WNT7A: variants seen among roughly 807,000 people sequenced by gnomAD.
WNT7A encodes protein Wnt-7a.
WNT7A carries 16 observed loss-of-function variants against 28.2 expected under a neutral mutation model. The ratio of observed to expected loss-of-function variants is 0.57; its 90% confidence interval spans 0.38 to 0.86. The LOEUF is 0.86. WNT7A is among the 40% of genes least tolerant of loss of function. The pLI, the probability that WNT7A is intolerant of heterozygous loss-of-function variation, is 0.00. For synonymous variants in WNT7A, 190 were observed against 195.9 expected (o/e 0.97, Z 0.25); for missense variants, 411 against 489.7 (o/e 0.84, Z 1.52).
intron 3 of WNT7A, among the ~76,000 whole-genome samples, chr3:13,853,074 C>G (rs1274736507): frequency 7.5e-6 from 1 of 132,840 alleles, no homozygotes; most frequent in Non-Finnish European, 1.6e-5. Flanking sequence ...TAGCCCTCTG[C>G]CTCCCAAGGG....
chr3:13,842,010 C>G (rs1335240695), intron 3 of WNT7A, among the ~76,000 whole-genome samples: 1 of 151,346 alleles, frequency 6.6e-6, no homozygotes, highest in South Asian at 2.1e-4. Flanking sequence ...AGGGACATAC[C>G]CAGTGTGTGT....
At chr3:13,826,970 G>A (rs1694206185) in intron 3 of WNT7A, among the ~76,000 whole-genome samples, 1 of 152,228 alleles carries the variant, frequency 6.6e-6, no homozygotes, top group African/African-American at 2.4e-5. Context: ...AACAGAGCAT[G>A]TCTAGAGGAG....
intron 2 of WNT7A, among the ~76,000 whole-genome samples, chr3:13,873,797 G>A (rs894398150): frequency 2.0e-5 from 3 of 152,176 alleles, no homozygotes; most frequent in African/African-American, 4.8e-5. Context: ...GCTGAGGAAA[G>A]GAGCTAAGGC....
rs573903375 is a variant in WNT7A at position 13,824,741 on chromosome 3, A to G, written c.571-5318T>C. On this transcript the variant is annotated intron_variant, in intron 3 of 3. Coordinates refer to ENST00000285018, the MANE Select transcript of WNT7A (RefSeq NM_004625.4). Reference sequence around the variant, plus strand: ...ATGCTGTTCCTTATCTGGAAGGCCAATCTTTATCACCATGACAGACGATGG... The same window carrying G: ...ATGCTGTTCCTTATCTGGAAGGCCAGTCTTTATCACCATGACAGACGATGG... 1.2e-4 allele frequency among the ~76,000 whole-genome samples: 18 copies of G among 152,260 alleles called. No homozygotes were observed. In the East Asian group the frequency reaches 3.1e-3, roughly 26 times the overall value.
chr3:13,855,324 G>A (rs1694711888), intron 2 of WNT7A, among the ~76,000 whole-genome samples: 1 of 151,922 alleles, frequency 6.6e-6, no homozygotes, highest in Admixed American at 6.6e-5. Context: ...CTCTCTGGCT[G>A]TAAAATGGGG....
rs183996498 is a variant in WNT7A at position 13,878,518 on chromosome 3, G to A, written c.71+1228C>T. ...GCGCGAGCCCCGCAGCCGCCTCTCC[G>A]CCGCTGGTCGGGCTGGCGGCCCCTG... On this transcript the variant is annotated intron_variant, in intron 1 of 3. Coordinates refer to ENST00000285018, the MANE Select transcript of WNT7A (RefSeq NM_004625.4). Among the ~76,000 whole-genome samples, 145 of 152,246 alleles carry A rather than the reference G, an allele frequency of 9.5e-4. 1 individual carries two copies. Among genetic ancestry groups the A allele is most frequent in the African/African-American group, 3.4e-3 (142 of 41,566 alleles).
At chr3:13,820,030 C>T (rs143480445) in intron 3 of WNT7A, among the ~76,000 whole-genome samples, 2 of 152,128 alleles carry the variant, frequency 1.3e-5, no homozygotes, top group Admixed American at 6.6e-5. Flanking sequence ...TTATTTCTTT[C>T]TCTCACTTTT....
intron 2 of WNT7A, among the ~76,000 whole-genome samples, chr3:13,871,245 G>A (rs1331564699): frequency 6.6e-6 from 1 of 152,204 alleles, no homozygotes; most frequent in East Asian, 1.9e-4. Context: ...AGCTCCAAAG[G>A]CCAGATTTTT....
intron 3 of WNT7A, among the ~76,000 whole-genome samples, chr3:13,839,909 G>T (rs1397302005): frequency 6.6e-6 from 1 of 152,220 alleles, no homozygotes; most frequent in Non-Finnish European, 1.5e-5. Flanking sequence ...AGGGAGCAGG[G>T]CTGGGAACCA....
At chr3:13,837,608 A>G (rs1380165475) in intron 3 of WNT7A, among the ~76,000 whole-genome samples, 1 of 152,162 alleles carries the variant, frequency 6.6e-6, no homozygotes, top group Non-Finnish European at 1.5e-5. Context: ...CCATTCTTTC[A>G]TGGTGGGTTA....
At chr3:13,873,837 T>C (rs562559446) in intron 2 of WNT7A, among the ~76,000 whole-genome samples, 3 of 152,104 alleles carry the variant, frequency 2.0e-5, no homozygotes, top group African/African-American at 7.2e-5. Flanking sequence ...CAGTGTGGTG[T>C]GTTTGGGAAA....
At chr3:13,823,408 G>T (rs923383845) in intron 3 of WNT7A, among the ~76,000 whole-genome samples, 7 of 152,192 alleles carry the variant, frequency 4.6e-5, no homozygotes, top group Admixed American at 3.9e-4. Flanking sequence ...CCAAGGGGGT[G>T]CATTCAAATC....
At chr3:13,821,874 G>T (rs1390127003) in intron 3 of WNT7A, among the ~76,000 whole-genome samples, 1 of 152,206 alleles carries the variant, frequency 6.6e-6, no homozygotes, top group Non-Finnish European at 1.5e-5. Context: ...CATGGATCAT[G>T]CTTTGTAACT....
In WNT7A at chr3:13,818,804, G is replaced by A; in HGVS notation, c.*140C>T. 2.3e-6 allele frequency: 3 copies of A among 1,288,608 alleles called. No homozygotes were observed. The highest frequency in any genetic ancestry group is 3.1e-6 in the Non-Finnish European group (3 of 968,382). The allele number at this position is 1,288,608 out of a possible 1,614,324, so 79.8% of individuals were successfully genotyped here. The stretch of plus-strand genomic sequence containing the variant: ...GAGAGATTTTTTTTCCCCCACGGAT[G>A]CCTGCAGGAAACCCAGGAAAAGTAC... On this transcript the variant is annotated 3_prime_UTR_variant, in exon 4 of 4. Coordinates refer to ENST00000285018, the MANE Select transcript of WNT7A (RefSeq NM_004625.4).
At chr3:13,873,891 C>G (rs1272419695) in intron 2 of WNT7A, among the ~76,000 whole-genome samples, 1 of 152,170 alleles carries the variant, frequency 6.6e-6, no homozygotes, top group African/African-American at 2.4e-5. Context: ...AAGATGGCAG[C>G]AGAGGTCAGC....
intron 3 of WNT7A, among the ~76,000 whole-genome samples, chr3:13,822,097 T>C (rs1233783804): frequency 6.6e-6 from 1 of 152,052 alleles, no homozygotes; most frequent in African/African-American, 2.4e-5. Flanking sequence ...TCGGCGAGGG[T>C]GTGGAGCCAT....
chr3:13,868,580 G>GAAAGAA (rs1207594272), intron 2 of WNT7A, among the ~76,000 whole-genome samples: 2 of 19,376 alleles, frequency 1.0e-4, no homozygotes, highest in Non-Finnish European at 8.6e-5. Flanking sequence ...GAGAGAGAGA[G>GAAAGAA]AGAGAGAGAG....
chr3:13,825,274 C>G (rs1343990038), intron 3 of WNT7A, among the ~76,000 whole-genome samples: 1 of 152,200 alleles, frequency 6.6e-6, no homozygotes, highest in Admixed American at 6.5e-5. Context: ...ACAAAGCCTT[C>G]CCTGATTGTC....
At chr3:13,849,947 A>G (rs903981710) in intron 3 of WNT7A, among the ~76,000 whole-genome samples, 1 of 152,170 alleles carries the variant, frequency 6.6e-6, no homozygotes, top group Non-Finnish European at 1.5e-5. Context: ...TGGTCCCAAG[A>G]ACCCCATGTC....
Sources: gnomAD v4.1 joint callset for allele counts (sites outside exome capture counted in the v4.1 genomes callset) on GRCh38, gnomAD v4.1.1 for gene constraint, MANE v1.5 for transcripts, NCBI Gene and HGNC (gene_info 2026-07-23, HGNC 2026-07-21) for gene names.